EP400: variants seen among roughly 807,000 people sequenced by gnomAD.
The protein encoded by EP400 is E1A-binding protein p400.
EP400 carries 105 observed loss-of-function variants against 354.1 expected under a neutral mutation model. The ratio of observed to expected loss-of-function variants is 0.30; its 90% CI spans 0.25 to 0.35. The LOEUF (loss-of-function observed/expected upper bound fraction) is 0.35, where lower values mean the gene tolerates loss of function less well. EP400 is among the 10% of genes least tolerant of loss of function. The probability of loss-of-function intolerance (pLI) is 1.00; values close to 1 mark genes in which losing one functional copy is unlikely to be tolerated. For missense variants in EP400, 3,280 were observed against 4,121.0 expected (o/e 0.80, Z 5.59); for synonymous variants, 1,646 against 1,716.9 (o/e 0.96, Z 1.02).
intron 39 of EP400, among the ~76,000 whole-genome samples, chr12:132,046,214 G>C (rs527375097): frequency 6.6e-6 from 1 of 152,226 alleles, no homozygotes; most frequent in Non-Finnish European, 1.5e-5. Flanking sequence ...TCATTTCTAA[G>C]ATAATGAGGG....
chr12:131,981,929 C>T (rs1892694333), intron 4 of EP400, among the ~76,000 whole-genome samples, 164 bp from the exon 5 acceptor site: 1 of 152,114 alleles, frequency 6.6e-6, no homozygotes, highest in Non-Finnish European at 1.5e-5. Flanking sequence ...AAAGGTCAAG[C>T]GCCTCTCTTT....
chr12:132,020,282 ACTTT>A, intron 22 of EP400, 64 bp downstream of exon 22: 1 of 1,489,728 alleles, frequency 6.7e-7, no homozygotes, highest in Non-Finnish European at 9.0e-7. Context: ...AGTTCATGGC[ACTTT>A]CTTCTCGCGC....
At chr12:132,024,165 G>A (rs954092707) in intron 24 of EP400, among the ~76,000 whole-genome samples, 13 of 152,214 alleles carry the variant, frequency 8.5e-5, no homozygotes, top group Non-Finnish European at 1.3e-4. Context: ...AGGCACTTTC[G>A]TTACCAGCAT....
At chr12:132,037,583 G>A in intron 30 of EP400, 99 bp from the exon 31 acceptor site, 1 of 902,410 alleles carries the variant, frequency 1.1e-6, no homozygotes, top group Non-Finnish European at 1.8e-6. Context: ...AGCTGGAGGA[G>A]GGACGTGGAT....
chr12:132,001,892 A>G, intron 12 of EP400, among the ~76,000 whole-genome samples: 1 of 152,234 alleles, frequency 6.6e-6, no homozygotes, highest in East Asian at 1.9e-4. Context: ...CTAGTGATTA[A>G]TGATATTCGT....
intron 7 of EP400, 115 bp downstream of exon 7, chr12:131,988,005 T>C: frequency 2.1e-6 from 2 of 936,916 alleles, no homozygotes; most frequent in Non-Finnish European, 2.9e-6. Flanking sequence ...TTTTTTTTTT[T>C]TTTCCCCCAG....
intron 39 of EP400, among the ~76,000 whole-genome samples, chr12:132,048,505 A>G (rs141953779): frequency 0.023 from 3,399 of 150,900 alleles, 65 homozygotes; most frequent in Non-Finnish European, 0.036. Context: ...AAATATTTGT[A>G]AAGTTTGAGA....
chr12:132,015,076 C>T (rs1457362744), intron 19 of EP400, among the ~76,000 whole-genome samples: 3 of 152,222 alleles, frequency 2.0e-5, no homozygotes, highest in East Asian at 3.8e-4. Flanking sequence ...TCTGTGCATG[C>T]GCATGTGGAG....
intron 30 of EP400, among the ~76,000 whole-genome samples, chr12:132,037,406 A>C (rs1894754895): frequency 6.6e-6 from 1 of 152,126 alleles, no homozygotes; most frequent in African/African-American, 2.4e-5. Flanking sequence ...CCAGGTTGAG[A>C]CTGGTGGGAG....
intron 12 of EP400, among the ~76,000 whole-genome samples, chr12:132,003,332 G>A (rs950519842): frequency 6.6e-6 from 1 of 151,966 alleles, no homozygotes; most frequent in African/African-American, 2.4e-5. Flanking sequence ...GGTATTATAA[G>A]TAACCTAGAG....
At chr12:131,968,420 C>T (rs1892174805) in intron 2 of EP400, among the ~76,000 whole-genome samples, 1 of 152,174 alleles carries the variant, frequency 6.6e-6, no homozygotes, top group African/African-American at 2.4e-5. Context: ...CTCTTCTCTT[C>T]CCGTCTCTTT....
rs1217898028 is a variant in EP400 at position 131,994,828 on chromosome 12, G to A, written c.2738-39G>A. The A allele has an allele frequency of 6.4e-7, 1 of 1,562,512 alleles. No individual in the cohort carries two copies. Among genetic ancestry groups the A allele is most frequent in the Middle Eastern group, 1.7e-4 (1 of 5,960 alleles). The stretch of plus-strand genomic sequence containing the variant: ...GTAATGAGTAACAGACACTCAAGTG[G>A]TGTTGCCTCTCAGTGACACTTGCTG... On this transcript the variant is annotated intron_variant, in intron 11 of 52. Transcript: ENST00000389561. The surrounding 1 kb of genome is among the most constrained non-coding windows in gnomAD (Gnocchi z 4.6).
At position 132,076,559 on chromosome 12, in the gene EP400, C is replaced by A; in HGVS notation, c.9065C>A (p.Ala3022Asp). 1 of 1,613,158 alleles carries A rather than the reference C, an allele frequency of 6.2e-7. No individual in the cohort carries two copies. Residue 3022 changes from alanine to aspartate, a missense_variant, in exon 52 of 53, where the codon GCC (alanine) becomes GAC (aspartate). Ala to Asp is a moderately radical substitution (Grantham distance 126). Around this residue, in one of 20 missense-constraint regions of EP400, gnomAD observed 279 missense variants for 386.7 expected, o/e 0.72. Coordinates refer to ENST00000389561, the MANE Select transcript of EP400 (RefSeq NM_015409.5). ...GTTGTTCAACAGCAAACACCCGTGG[C>A]CAGCATCCAGCAAGTTGCCTCTGCT... is the stretch of plus-strand genomic sequence containing the variant. Reference protein sequence around the residue: ...PQVVQQQTPVASIQQVASASQ... With the variant: ...PQVVQQQTPVDSIQQVASASQ...
chr12:132,033,372 C>T (rs995607114), intron 30 of EP400, among the ~76,000 whole-genome samples: 17 of 152,136 alleles, frequency 1.1e-4, no homozygotes, highest in African/African-American at 4.1e-4. Context: ...AGATTTACTT[C>T]TTCTGCTTAT....
chr12:131,956,873 CTTTTTTTTTT>C (rs58567170), intron 1 of EP400, among the ~76,000 whole-genome samples: 3 of 115,404 alleles, frequency 2.6e-5, no homozygotes, highest in Admixed American at 1.1e-4. Context: ...TTTTTTTGTC[CTTTTTTTTTT>C]TTTTTTTTTT....
chr12:131,956,523 G>T (rs980073053), intron 1 of EP400, among the ~76,000 whole-genome samples: 3 of 152,108 alleles, frequency 2.0e-5, no homozygotes, highest in Non-Finnish European at 4.4e-5. Flanking sequence ...AGGTTGGTAG[G>T]TTAATTTCCT....
intron 50 of EP400, 196 bp from the exon 51 acceptor site, chr12:132,069,299 G>T (rs954187568): frequency 5.7e-6 from 4 of 700,464 alleles, no homozygotes; most frequent in African/African-American, 3.6e-5. Flanking sequence ...CGGCCATGCC[G>T]CATGGGCAGA....
chr12:131,951,560 C>T (rs1174998378), intron 1 of EP400, among the ~76,000 whole-genome samples: 1 of 152,128 alleles, frequency 6.6e-6, no homozygotes, highest in African/African-American at 2.4e-5. Context: ...TTGTCATTTT[C>T]TTTAGCAGAA....
intron 2 of EP400, among the ~76,000 whole-genome samples, chr12:131,974,228 C>G (rs1376561305): frequency 2.0e-5 from 3 of 152,194 alleles, no homozygotes; most frequent in Non-Finnish European, 4.4e-5. Context: ...ATCCGCCTAC[C>G]TCAGCCTCCC....
Sources: gnomAD v4.1 joint callset for allele counts (sites outside exome capture counted in the v4.1 genomes callset) on GRCh38, gnomAD v4.1.1 for gene constraint, gnomAD v4.1.1 regional missense constraint, Gnocchi (gnomAD v3.1) non-coding constraint, MANE v1.5 for transcripts, NCBI Gene and HGNC (gene_info 2026-07-23, HGNC 2026-07-21) for gene names.